The following PBX3 variants were observed in gnomAD, a reference collection of about 807,000 sequenced individuals.
PBX3 encodes the protein pre-B-cell leukemia transcription factor 3.
A neutral mutation model predicts 48.5 loss-of-function variants in PBX3; 14 were observed. The observed-to-expected ratio is 0.29, with a 90% CI of 0.19 to 0.45. The LOEUF is 0.45. PBX3 is among the 20% of genes least tolerant of loss of function. The probability of loss-of-function intolerance (pLI) is 1.00; values close to 1 mark genes in which losing one functional copy is unlikely to be tolerated. For missense variants in PBX3, 386 were observed against 546.7 expected (o/e 0.71, Z 2.93); for synonymous variants, 210 against 200.3 (o/e 1.05, Z -0.41).
Position 125,963,027 on chromosome 9 carries a change from C to A in PBX3, c.1138C>A (p.His380Asn). 1 of 1,604,438 alleles carries A rather than the reference C, an allele frequency of 6.2e-7. No individual in the cohort carries two copies. The highest frequency in any genetic ancestry group is 8.5e-7 in the Non-Finnish European group (1 of 1,172,252). Reference protein sequence around the residue: ...NVQSQVDTLRHVINQTGGYSD... With the variant: ...NVQSQVDTLRNVINQTGGYSD... ...TCACTTCTAGGTGGATACCCTCCGTCATGTTATCAATCAGACGGGAGGCTA... is the reference window on the plus strand; with the variant it reads ...TCACTTCTAGGTGGATACCCTCCGTAATGTTATCAATCAGACGGGAGGCTA... The change falls in exon 8 of 9, where the codon CAT (histidine) becomes AAT (asparagine). Residue 380 changes from histidine (H) to asparagine (N), a missense_variant. Coordinates refer to ENST00000373489, the MANE Select transcript of PBX3 (RefSeq NM_006195.6).
At chr9:125,862,893 T>TTTTTA (rs1000760044) in intron 2 of PBX3, among the ~76,000 whole-genome samples, 1 of 151,890 alleles carries the variant, frequency 6.6e-6, no homozygotes, top group Non-Finnish European at 1.5e-5. Context: ...TGATGTATGA[T>TTTTTA]TTTTATTTTA....
At chr9:125,789,911 C>T (rs1837552795) in intron 2 of PBX3, among the ~76,000 whole-genome samples, 1 of 152,136 alleles carries the variant, frequency 6.6e-6, no homozygotes, top group Non-Finnish European at 1.5e-5. Context: ...GTGTTAGAAG[C>T]TTACTTAGAG....
chr9:125,831,825 C>T lies in PBX3; in HGVS notation c.274+83202C>T, dbSNP rs191260417. Among the ~76,000 whole-genome samples the T allele has an allele frequency of 4.9e-4, 74 of 152,228 alleles. 1 individual carries two copies. In the East Asian group the frequency reaches 0.012, roughly 24 times the overall value. On this transcript the variant is annotated intron_variant, in intron 2 of 8. Transcript: ENST00000373489. ...CCTTCTGATAAGACTCCATTTTTAGCTTTTTTAGCTTCTTACTTTCTGGCC... is the reference window on the plus strand; with the variant it reads ...CCTTCTGATAAGACTCCATTTTTAGTTTTTTTAGCTTCTTACTTTCTGGCC...
chr9:125,832,617 T>C (rs1838998767), intron 2 of PBX3, among the ~76,000 whole-genome samples: 1 of 152,202 alleles, frequency 6.6e-6, no homozygotes, highest in Non-Finnish European at 1.5e-5. Flanking sequence ...TTTAATTAGT[T>C]TTTCTATTCT....
At chr9:125,766,411 CTG>C (rs1172730787) in intron 2 of PBX3, among the ~76,000 whole-genome samples, 5 of 151,880 alleles carry the variant, frequency 3.3e-5, no homozygotes. Flanking sequence ...ATAGAAAAAT[CTG>C]TGGTGAAAAC....
intron 2 of PBX3, among the ~76,000 whole-genome samples, chr9:125,852,404 G>GT (rs1839608044): frequency 6.6e-6 from 1 of 151,970 alleles, no homozygotes; most frequent in East Asian, 1.9e-4. Context: ...CTTACTACCT[G>GT]TTTTAATTCA....
At chr9:125,781,940 C>T (rs901463143) in intron 2 of PBX3, among the ~76,000 whole-genome samples, 2 of 151,794 alleles carry the variant, frequency 1.3e-5, no homozygotes. Context: ...CCATTACCTT[C>T]TTTTGTGTTT....
At chr9:125,786,604 G>T (rs1343971835) in intron 2 of PBX3, among the ~76,000 whole-genome samples, 1 of 152,188 alleles carries the variant, frequency 6.6e-6, no homozygotes, top group Non-Finnish European at 1.5e-5. Flanking sequence ...TGATGGAGCA[G>T]AGTCTTAGAG....
intron 5 of PBX3, among the ~76,000 whole-genome samples, chr9:125,959,810 A>G (rs1031742506): frequency 6.6e-6 from 1 of 152,208 alleles, no homozygotes; most frequent in African/African-American, 2.4e-5. Context: ...ATCCTTTTAT[A>G]TAGTGTGTGG....
At chr9:125,793,452 T>TG (rs1837682880) in intron 2 of PBX3, among the ~76,000 whole-genome samples, 1 of 149,894 alleles carries the variant, frequency 6.7e-6, no homozygotes, top group South Asian at 2.1e-4. Context: ...TTGGTTGACA[T>TG]GGAGTCTGAC....
At position 125,964,159 on chromosome 9, in the gene PBX3, C is replaced by T. The variant is rs147300936; in HGVS notation, c.1212+1058C>T. The stretch of plus-strand genomic sequence containing the variant: ...TCTTCACTGATGAGGCTTGATAAGG[C>T]GCTGTTGTATAATACAGTGCATAAT... On this transcript the variant is annotated intron_variant, in intron 8 of 8. Transcript: ENST00000373489. Among the ~76,000 whole-genome samples the T allele has an allele frequency of 3.4e-3, 510 of 152,162 alleles. 5 individuals are homozygous for T. Among genetic ancestry groups the T allele is most frequent in the African/African-American group, 0.011 (471 of 41,500 alleles).
At chr9:125,748,998 G>A (rs1436614054) in intron 2 of PBX3, 1 of 191,950 alleles carries the variant, frequency 5.2e-6, no homozygotes, top group African/African-American at 2.3e-5. Flanking sequence ...CCCGGGAGAA[G>A]CATCGCCCGA....
chr9:125,755,984 G>A (rs1836508164), intron 2 of PBX3, among the ~76,000 whole-genome samples: 1 of 151,868 alleles, frequency 6.6e-6, no homozygotes, highest in South Asian at 2.1e-4. Context: ...CTTCTCAGAA[G>A]TGTAAACTTC....
chr9:125,836,168 G>C (rs981473129), intron 2 of PBX3, among the ~76,000 whole-genome samples: 2 of 152,206 alleles, frequency 1.3e-5, no homozygotes, highest in Non-Finnish European at 2.9e-5. Context: ...GATCTTGGCT[G>C]GGCGCGGTGG....
chr9:125,835,051 A>AAAAG (rs1564681272), intron 2 of PBX3, among the ~76,000 whole-genome samples: 3 of 108,002 alleles, frequency 2.8e-5, no homozygotes, highest in African/African-American at 1.1e-4. Context: ...AAAAAAAAAA[A>AAAAG]GGGCAAAAGA....
At chr9:125,796,239 T>C (rs1484831028) in intron 2 of PBX3, among the ~76,000 whole-genome samples, 1 of 152,230 alleles carries the variant, frequency 6.6e-6, no homozygotes, top group Non-Finnish European at 1.5e-5. Flanking sequence ...CCTGGTGTTT[T>C]AGCTTTACTG....
At chr9:125,882,839 G>A (rs73667277) in intron 2 of PBX3, among the ~76,000 whole-genome samples, 4,199 of 152,146 alleles carry the variant, frequency 0.028, 226 homozygotes, top group African/African-American at 0.095. Flanking sequence ...TATTTTAGTC[G>A]CTATATACCC....
chr9:125,784,328 C>T (rs1183935673), intron 2 of PBX3, among the ~76,000 whole-genome samples: 2 of 152,078 alleles, frequency 1.3e-5, no homozygotes, highest in African/African-American at 4.8e-5. Flanking sequence ...GGGGTTTCGC[C>T]ATGTTGGCCA....
At chr9:125,796,714 G>A (rs569439935) in intron 2 of PBX3, among the ~76,000 whole-genome samples, 1 of 152,164 alleles carries the variant, frequency 6.6e-6, no homozygotes, top group East Asian at 1.9e-4. Flanking sequence ...AAAAGCATTA[G>A]TCAAGTTTCT....
Sources: allele counts gnomAD v4.1 joint callset (sites outside exome capture counted in the v4.1 genomes callset), GRCh38; gene constraint gnomAD v4.1.1; transcripts MANE v1.5; gene names NCBI Gene and HGNC (gene_info 2026-07-23, HGNC 2026-07-21).